ZNF92: variants seen among roughly 807,000 people sequenced by gnomAD.
ZNF92 encodes zinc finger protein 92.
In ZNF92, 11 loss-of-function variants were observed where a neutral mutation model predicts 12.4. The observed-to-expected ratio is 0.89, with a 90% confidence interval of 0.56 to 1.47. The LOEUF is 1.47. ZNF92 is among the 40% of genes most tolerant of loss of function. The pLI is 0.00. For synonymous variants in ZNF92, 206 were observed against 228.6 expected (o/e 0.90, Z 0.89); for missense variants, 622 against 681.0 (o/e 0.91, Z 0.96).
At position 65,398,910 on chromosome 7, in the gene ZNF92, T is replaced by A. The variant is rs765034708; in HGVS notation, c.796T>A (p.Phe266Ile). The change falls in exon 4 of 4, where the codon TTT (phenylalanine) becomes ATT (isoleucine). Residue 266 changes from phenylalanine to isoleucine, a missense_variant. Physicochemically the swap from Phe to Ile is conservative, Grantham distance 21 (BLOSUM62 0). Coordinates refer to ENST00000328747, the MANE Select transcript of ZNF92 (RefSeq NM_152626.4). The stretch of plus-strand genomic sequence containing the variant: ...CAAATGTGAAGAATGTGGCAAAGCT[T>A]TTAACCGGTCCTCAACCCTTACTAA... ...PYKCEECGKA[F>I]NRSSTLTKHK... The A allele has an allele frequency of 6.8e-6, 11 of 1,613,250 alleles. 1 individual carries two copies. The South Asian group carries it at 1.2e-4, about 18-fold the overall frequency.
intron 1 of ZNF92, among the ~76,000 whole-genome samples, chr7:65,379,162 A>T (rs1291980691): frequency 6.6e-6 from 1 of 152,152 alleles, no homozygotes; most frequent in Non-Finnish European, 1.5e-5. Flanking sequence ...AGCTAAGAAG[A>T]ATAGATGGAC....
intron 1 of ZNF92, among the ~76,000 whole-genome samples, chr7:65,374,493 G>A (rs575887159): frequency 2.6e-5 from 4 of 151,958 alleles, no homozygotes; most frequent in Non-Finnish European, 5.9e-5. Context: ...TGTAGTTTGT[G>A]GTCCGTGGGA....
rs1295737777 is a variant in ZNF92, at chr7:65,400,947, A to G, written c.*1072A>G. 6.6e-6 allele frequency: 1 copy of G among 152,074 alleles called. No homozygotes were observed. The highest frequency in any genetic ancestry group is 1.5e-5 in the Non-Finnish European group (1 of 67,932). The allele number at this position is 152,074 out of a possible 1,614,324, so 9.4% of individuals were successfully genotyped here. ...TAGAGATGCTCTTTGTGATTAACTTAGAATATTAAGTGCTACTTGAGGTAC... is the reference window on the plus strand; with the variant it reads ...TAGAGATGCTCTTTGTGATTAACTTGGAATATTAAGTGCTACTTGAGGTAC... On this transcript the variant is annotated 3_prime_UTR_variant, in exon 4 of 4. Coordinates refer to ENST00000328747, the MANE Select transcript of ZNF92 (RefSeq NM_152626.4).
chr7:65,395,347 C>T (rs936118554), intron 3 of ZNF92, among the ~76,000 whole-genome samples: 20 of 152,126 alleles, frequency 1.3e-4, no homozygotes, highest in Admixed American at 1.3e-3. Context: ...AGCCCCTGCA[C>T]CCAGCTGGTA....
In ZNF92 at chr7:65,398,747, C is replaced by T; in HGVS notation, c.633C>T (p.Asn211=). 6.2e-7 allele frequency: 1 copy of T among 1,612,938 alleles called. No individual in the cohort carries two copies. Among genetic ancestry groups the T allele is most frequent in the African/African-American group, 1.3e-5 (1 of 74,982 alleles). Residue 211 remains asparagine, a synonymous_variant, in exon 4 of 4, where the codon AAC becomes AAT. Coordinates refer to ENST00000328747, the MANE Select transcript of ZNF92 (RefSeq NM_152626.4). ...YKCEECGKAF[N]WSSTLTKHKI... is the part of the protein sequence containing the mutation. ...GTGAAGAATGTGGTAAAGCCTTTAA[C>T]TGGTCCTCAACCCTTACTAAACATA... is the stretch of plus-strand genomic sequence containing the variant.
At chr7:65,383,817 T>C (rs1473205203) in intron 1 of ZNF92, among the ~76,000 whole-genome samples, 1 of 152,094 alleles carries the variant, frequency 6.6e-6, no homozygotes, top group Non-Finnish European at 1.5e-5. Context: ...AGCCTAAGTC[T>C]CTACTGCCTG....
intron 1 of ZNF92, among the ~76,000 whole-genome samples, chr7:65,378,344 A>G (rs947232940): frequency 1.3e-5 from 2 of 151,642 alleles, no homozygotes; most frequent in African/African-American, 4.8e-5. Context: ...CCTTGAAGTC[A>G]GTATATTCTT....
chr7:65,391,647 A>AT (rs1044954289), intron 3 of ZNF92, among the ~76,000 whole-genome samples: 3 of 152,022 alleles, frequency 2.0e-5, no homozygotes, highest in African/African-American at 4.8e-5. Context: ...TTTTTTCTTT[A>AT]TTTGGCAACG....
Position 65,399,118 on chromosome 7 carries a change from A to C in ZNF92, c.1004A>C (p.His335Pro). The change falls in exon 4 of 4, where the codon CAT becomes CCT. Residue 335 changes from histidine (H) to proline (P), a missense_variant. By Grantham distance (77) the His-to-Pro change is moderately conservative. Transcript: ENST00000328747. ...FSILKKHKII[H>P]TGEKPYKCEE... ...ATTCTTAAAAAACATAAGATAATCC[A>C]TACTGGGGAAAAACCATACAAATGT... 3 of 1,613,034 alleles carry C rather than the reference A, an allele frequency of 1.9e-6. No individual in the cohort carries two copies. The highest frequency in any genetic ancestry group is 2.5e-6 in the Non-Finnish European group (3 of 1,179,490).
At chr7:65,380,547 C>A (rs949729248) in intron 1 of ZNF92, among the ~76,000 whole-genome samples, 1 of 152,188 alleles carries the variant, frequency 6.6e-6, no homozygotes, top group Non-Finnish European at 1.5e-5. Flanking sequence ...GCTGGGATTA[C>A]AGGCGTGAAC....
At chr7:65,387,766 G>T (rs1402217249) in intron 1 of ZNF92, 136 bp from the exon 2 acceptor site, 3 of 981,880 alleles carry the variant, frequency 3.1e-6, no homozygotes, top group Non-Finnish European at 2.8e-6. Context: ...TTATTTTATT[G>T]GATCATTTCA....
chr7:65,377,690 C>T (rs1294996172), intron 1 of ZNF92, among the ~76,000 whole-genome samples: 2 of 152,022 alleles, frequency 1.3e-5, no homozygotes, highest in Non-Finnish European at 2.9e-5. Flanking sequence ...CCTCAGCCTC[C>T]TGAGTAGCTG....
chr7:65,398,213 T>A, intron 3 of ZNF92, 128 bp from the exon 4 acceptor site: 1 of 716,826 alleles, frequency 1.4e-6, no homozygotes, highest in Non-Finnish European at 2.2e-6. Context: ...CTGTAAGGAA[T>A]TAGGGCTTGC....
At chr7:65,374,937 A>C (rs370722308) in intron 1 of ZNF92, among the ~76,000 whole-genome samples, 13 of 152,150 alleles carry the variant, frequency 8.5e-5, no homozygotes, top group African/African-American at 3.1e-4. Context: ...TGACATTCCC[A>C]AATGCCAACT....
At chr7:65,386,932 CT>C (rs1793582452) in intron 1 of ZNF92, among the ~76,000 whole-genome samples, 1 of 137,892 alleles carries the variant, frequency 7.3e-6, no homozygotes, top group African/African-American at 2.8e-5. Flanking sequence ...TATCTGTTTT[CT>C]TTCTTCTTTT....
chr7:65,375,242 C>A (rs1213119916), intron 1 of ZNF92, among the ~76,000 whole-genome samples: 1 of 152,030 alleles, frequency 6.6e-6, no homozygotes, highest in Non-Finnish European at 1.5e-5. Flanking sequence ...TTCTCAGCCA[C>A]CCTTCAGTTC....
At chr7:65,382,577 C>G (rs1793449642) in intron 1 of ZNF92, among the ~76,000 whole-genome samples, 1 of 152,062 alleles carries the variant, frequency 6.6e-6, no homozygotes, top group South Asian at 2.1e-4. Flanking sequence ...CTAAATACTT[C>G]ACAGAACAGC....
chr7:65,374,338 G>A (rs1402690887), intron 1 of ZNF92, among the ~76,000 whole-genome samples: 2 of 152,132 alleles, frequency 1.3e-5, no homozygotes, highest in African/African-American at 4.8e-5. Flanking sequence ...CTCGGGGTGC[G>A]GGGTTTATGA....
At chr7:65,394,656 G>T (rs1196953249) in intron 3 of ZNF92, among the ~76,000 whole-genome samples, 3 of 151,944 alleles carry the variant, frequency 2.0e-5, no homozygotes, top group African/African-American at 4.8e-5. Flanking sequence ...AAGTTTTTTT[G>T]TTTGTTTTTT....
Sources: gnomAD v4.1 joint callset for allele counts (sites outside exome capture counted in the v4.1 genomes callset) on GRCh38, gnomAD v4.1.1 for gene constraint, MANE v1.5 for transcripts, NCBI Gene and HGNC (gene_info 2026-07-23, HGNC 2026-07-21) for gene names.